The following NUP107 variants were observed in gnomAD, a reference collection of about 807,000 sequenced individuals.
NUP107 encodes nucleoporin 107, also known as nuclear pore complex protein Nup107.
Under a neutral mutation model 141.0 loss-of-function variants are expected in NUP107, and 101 were observed. The ratio of observed to expected loss-of-function variants is 0.72; its 90% CI spans 0.61 to 0.84. NUP107 has a LOEUF of 0.84. NUP107 is among the 40% of genes least tolerant of loss of function. The probability of loss-of-function intolerance (pLI) is 0.00; values close to 1 mark genes in which losing one functional copy is unlikely to be tolerated. For missense variants in NUP107, 941 were observed against 1,102.7 expected, an observed-to-expected ratio of 0.85 and a Z score of 2.08; for synonymous variants, 319 against 363.9, an observed-to-expected ratio of 0.88 and a Z score of 1.41.
chr12:68,732,529 T>G (rs1877874313), intron 22 of NUP107, 108 bp from the exon 23 acceptor site: 2 of 532,592 alleles, frequency 3.8e-6, no homozygotes, highest in Non-Finnish European at 6.5e-6. Flanking sequence ...TGAGAGAAAA[T>G]GATGTTTACT....
At chr12:68,732,607 C>T (rs774842308) in intron 22 of NUP107, 30 bp from the exon 23 acceptor site, 1 of 1,414,388 alleles carries the variant, frequency 7.1e-7, no homozygotes, top group South Asian at 1.3e-5. Context: ...TCTGATATTC[C>T]TTTTTCTTTT....
chr12:68,742,361 TCTAAGGAAGAG>T lies in NUP107; in HGVS notation c.2687_2697del (p.Glu896ValfsTer18). The T allele has an allele frequency of 6.2e-7, 1 of 1,601,050 alleles. No individual in the cohort carries two copies. The highest frequency in any genetic ancestry group is 8.6e-7 in the Non-Finnish European group (1 of 1,169,550). On this transcript the variant is annotated frameshift_variant, in exon 28 of 28. Transcript: ENST00000229179. LOFTEE classifies it high-confidence loss of function. ...TTCTCTTTTTAAAAATCAGGTATTT[TCTAAGGAAGAG>T]CTAAGGAAGTTGCTGCAGAAGCTCA...
chr12:68,713,868 G>A, intron 11 of NUP107, 60 bp downstream of exon 11: 1 of 1,369,276 alleles, frequency 7.3e-7, no homozygotes, highest in Non-Finnish European at 1.0e-6. Context: ...TTTTCAGGCT[G>A]AGAATTTTTT....
Position 68,726,919 on chromosome 12 carries a change from G to A in NUP107, c.1695+302G>A, listed in dbSNP as rs566192806. ...TAACTAAACAAAGTGAGTGCTATGT[G>A]AGATTTTAAAACTTTGTTGGTTGTT... is the stretch of plus-strand genomic sequence containing the variant. On this transcript the variant is annotated intron_variant, in intron 19 of 27. Coordinates refer to ENST00000229179, the MANE Select transcript of NUP107 (RefSeq NM_020401.4). Among the ~76,000 whole-genome samples, 4 of 152,272 alleles carry A rather than the reference G, an allele frequency of 2.6e-5. No homozygotes were observed. In the East Asian group the frequency reaches 7.7e-4, roughly 29 times the overall value.
intron 23 of NUP107, among the ~76,000 whole-genome samples, chr12:68,733,086 C>T (rs991836206): frequency 6.6e-6 from 1 of 151,686 alleles, no homozygotes; most frequent in South Asian, 2.1e-4. Context: ...AGGAGAAAAC[C>T]AGCCACTCTT....
chr12:68,710,674 AAAG>A (rs1253386242), intron 10 of NUP107, among the ~76,000 whole-genome samples: 1 of 151,036 alleles, frequency 6.6e-6, no homozygotes, highest in Non-Finnish European at 1.5e-5. Flanking sequence ...AAAAAACAGA[AAAG>A]AAATAATTGG....
chr12:68,721,800 T>C (rs139614190), intron 15 of NUP107, 41 bp from the exon 16 acceptor site: 1 of 1,583,764 alleles, frequency 6.3e-7, no homozygotes, highest in South Asian at 1.2e-5. Context: ...TCTTTTCTGT[T>C]GAATATGTCT....
rs963190923 is a variant in NUP107 at position 68,741,926 on chromosome 12, G to A, written c.2616G>A (p.Gln872=). The change falls in exon 27 of 28, where the codon CAG becomes CAA. Residue 872 remains glutamine (Q), a synonymous_variant. Coordinates refer to ENST00000229179, the MANE Select transcript of NUP107 (RefSeq NM_020401.4). ...HTILHSTGQY[Q]ECLQLADMVS... is the part of the protein sequence containing the mutation. Reference sequence around the variant, plus strand: ...TATTGCACAGTACTGGTCAGTATCAGGAATGCCTACAGTTAGCAGATATGG... The same window carrying A: ...TATTGCACAGTACTGGTCAGTATCAAGAATGCCTACAGTTAGCAGATATGG... 3 of 1,613,460 alleles carry A rather than the reference G, an allele frequency of 1.9e-6. No homozygotes were observed. Among genetic ancestry groups the A allele is most frequent in the Non-Finnish European group, 2.5e-6 (3 of 1,179,710 alleles).
At chr12:68,688,928 T>C (rs1323046924) in intron 1 of NUP107, 34 bp from the exon 2 acceptor site, 1 of 1,496,090 alleles carries the variant, frequency 6.7e-7, no homozygotes, top group Non-Finnish European at 9.2e-7. Context: ...TATATTCTCG[T>C]TTCACTTATA....
Position 68,731,071 on chromosome 12 carries a change from TTTA to T in NUP107, c.1735-33_1735-31del. 3 of 1,403,172 alleles carry T rather than the reference TTTA, an allele frequency of 2.1e-6. No individual in the cohort carries two copies. In the South Asian group the frequency reaches 4.0e-5, roughly 19 times the overall value. 86.9% of individuals were successfully genotyped at this position (1,403,172 alleles called of 1,614,324 possible). ...TGAAATTTTGAAGTATACTTTTAATTTTATTATTGACATACTTTGATCTTTTTC... is the reference window on the plus strand; with the variant it reads ...TGAAATTTTGAAGTATACTTTTAATTTTATTGACATACTTTGATCTTTTTC... On this transcript the variant is annotated intron_variant, in intron 20 of 27. Coordinates refer to ENST00000229179, the MANE Select transcript of NUP107 (RefSeq NM_020401.4).
rs777598753 is a variant in NUP107, at chr12:68,725,776, T to A, written c.1556T>A (p.Leu519His). 6.6e-7 allele frequency: 1 copy of A among 1,525,856 alleles called. No homozygotes were observed. The highest frequency in any genetic ancestry group is 2.0e-5 in the Admixed American group (1 of 50,364). 94.5% of individuals were successfully genotyped at this position (1,525,856 alleles called of 1,614,324 possible). The stretch of plus-strand genomic sequence containing the variant: ...CATTATCATATAGTTCAAAAGTTTC[T>A]TATCCTGGGAGACATTGATGGTAAG... ...QEHYHIVQKF[L>H]ILGDIDGLMD... Residue 519 changes from leucine to histidine, a missense_variant, in exon 18 of 28, where the codon CTT (leucine) becomes CAT (histidine). By Grantham distance (99) the Leu-to-His change is moderately conservative (BLOSUM62 -3). Coordinates refer to ENST00000229179, the MANE Select transcript of NUP107 (RefSeq NM_020401.4).
At chr12:68,735,834 T>A (rs1878043769) in intron 26 of NUP107, among the ~76,000 whole-genome samples, 1 of 152,182 alleles carries the variant, frequency 6.6e-6, no homozygotes, top group Admixed American at 6.5e-5. Flanking sequence ...TTTAATATAA[T>A]ATATAGCCTG....
chr12:68,733,415 T>TCC, intron 23 of NUP107, 37 bp from the exon 24 acceptor site: 1 of 1,584,718 alleles, frequency 6.3e-7, no homozygotes, highest in Non-Finnish European at 8.6e-7. Flanking sequence ...TACAGAGAAG[T>TCC]CCGTAGGCAT....
At chr12:68,705,595 G>C (rs1477621699) in intron 8 of NUP107, 2 of 352,886 alleles carry the variant, frequency 5.7e-6, no homozygotes, top group Admixed American at 3.5e-5. Flanking sequence ...TCGAATCTCC[G>C]CCTAGCTCAG....
At chr12:68,689,245 TAAAG>T (rs1665978327) in intron 2 of NUP107, among the ~76,000 whole-genome samples, 192 bp downstream of exon 2, 1 of 152,184 alleles carries the variant, frequency 6.6e-6, no homozygotes, top group Non-Finnish European at 1.5e-5. Context: ...TCCCTAAAAA[TAAAG>T]ATATTTCTTA....
chr12:68,702,639 GA>G, intron 7 of NUP107, 96 bp from the exon 8 acceptor site: 1 of 793,690 alleles, frequency 1.3e-6, no homozygotes, highest in South Asian at 1.7e-5. Flanking sequence ...TTTTTAAAAA[GA>G]AGTTAGCCAA....
At chr12:68,704,752 G>A (rs1016294355) in intron 8 of NUP107, among the ~76,000 whole-genome samples, 6 of 151,838 alleles carry the variant, frequency 4.0e-5, no homozygotes, top group African/African-American at 1.5e-4. Flanking sequence ...ACCGTGCCTC[G>A]CCCAAAAGTA....
chr12:68,717,853 T>C (rs1417407385), intron 12 of NUP107, among the ~76,000 whole-genome samples: 1 of 152,258 alleles, frequency 6.6e-6, no homozygotes, highest in Non-Finnish European at 1.5e-5. Flanking sequence ...TCCATGTTAA[T>C]TCTTACATAG....
chr12:68,687,803 AG>A (rs1370516816), intron 1 of NUP107: 2 of 262,254 alleles, frequency 7.6e-6, no homozygotes, highest in East Asian at 3.5e-4. Flanking sequence ...AAATCCTATG[AG>A]ATGGGTACTG....
Sources: allele counts gnomAD v4.1 joint callset (sites outside exome capture counted in the v4.1 genomes callset), GRCh38; gene constraint gnomAD v4.1.1; transcripts MANE v1.5; gene names NCBI Gene and HGNC (gene_info 2026-07-23, HGNC 2026-07-21).